CELF1: variants seen among roughly 807,000 people sequenced by gnomAD.
CELF1 encodes the protein CUGBP Elav-like family member 1.
A neutral mutation model predicts 61.8 loss-of-function variants in CELF1; 10 were observed. The ratio of observed to expected loss-of-function variants is 0.16; its 90% CI spans 0.10 to 0.27. The LOEUF is 0.27. Among genes scored for constraint, CELF1 ranks in the 10% least tolerant of loss-of-function variants. CELF1 has a pLI of 1.00. For synonymous variants in CELF1, 236 were observed against 225.1 expected, an observed-to-expected ratio of 1.05 and a Z score of -0.43; for missense variants, 380 against 639.1, an observed-to-expected ratio of 0.59 and a Z score of 4.37.
At chr11:47,496,095 T>C (rs906491011) in intron 3 of CELF1, 1 of 564,452 alleles carries the variant, frequency 1.8e-6, no homozygotes, top group African/African-American at 2.0e-5. Context: ...CCAGAAACAC[T>C]GGCCTGAGTT....
intron 1 of CELF1, among the ~76,000 whole-genome samples, chr11:47,545,857 G>GTGTC (rs1395853675): frequency 2.9e-4 from 37 of 125,902 alleles, no homozygotes; most frequent in Non-Finnish European, 5.7e-4. Context: ...ATACGTGTGT[G>GTGTC]TGTGTGTGTC....
At chr11:47,529,409 A>C (rs1416039861) in intron 1 of CELF1, among the ~76,000 whole-genome samples, 1 of 152,104 alleles carries the variant, frequency 6.6e-6, no homozygotes, top group Non-Finnish European at 1.5e-5. Context: ...ATTAGTGGCC[A>C]GGCATGCTGG....
chr11:47,486,370 T>C (rs1037640558), intron 6 of CELF1, among the ~76,000 whole-genome samples: 1 of 151,926 alleles, frequency 6.6e-6, no homozygotes, highest in African/African-American at 2.4e-5. Flanking sequence ...TAAAGCACAA[T>C]TCAATTCAGA....
chr11:47,520,768 GCC>G (rs1354072370), intron 1 of CELF1, among the ~76,000 whole-genome samples: 1 of 152,148 alleles, frequency 6.6e-6, no homozygotes, highest in Admixed American at 6.5e-5. Context: ...CCAAGATTGT[GCC>G]ACTGCCCTCC....
intron 1 of CELF1, among the ~76,000 whole-genome samples, chr11:47,543,762 A>T (rs781347582): frequency 1.1e-5 from 1 of 91,872 alleles, no homozygotes. Context: ...CCCCGTCTCT[A>T]AAAAAAAAAG....
intron 1 of CELF1, among the ~76,000 whole-genome samples, chr11:47,547,247 C>T (rs753749718): frequency 2.6e-5 from 4 of 152,022 alleles, no homozygotes; most frequent in Non-Finnish European, 4.4e-5. Context: ...TGTCAGTGGA[C>T]GTCTCTCTGT....
intron 1 of CELF1, among the ~76,000 whole-genome samples, chr11:47,531,272 CA>C (rs144326170): frequency 3.3e-5 from 5 of 149,800 alleles, no homozygotes; most frequent in East Asian, 2.0e-4. Context: ...CAACAAAAAA[CA>C]AAAAAAAACA....
chr11:47,546,183 G>A (rs1372952547), intron 1 of CELF1, among the ~76,000 whole-genome samples: 1 of 147,320 alleles, frequency 6.8e-6, no homozygotes, highest in Admixed American at 7.0e-5. Context: ...ATCTTTTTAA[G>A]GGAGAAAAAT....
At chr11:47,531,589 A>AAACG (rs35871351) in intron 1 of CELF1, among the ~76,000 whole-genome samples, 1 of 151,888 alleles carries the variant, frequency 6.6e-6, no homozygotes, top group Admixed American at 6.6e-5. Context: ...ACAAACAAAC[A>AAACG]GTAAGACCCG....
chr11:47,473,682 G>C (rs532822078), intron 13 of CELF1, among the ~76,000 whole-genome samples: 2 of 152,196 alleles, frequency 1.3e-5, no homozygotes, highest in African/African-American at 4.8e-5. Flanking sequence ...GGGCACGAGG[G>C]AATTTCTAGG....
At chr11:47,531,236 C>T (rs540397214) in intron 1 of CELF1, among the ~76,000 whole-genome samples, 38 of 151,610 alleles carry the variant, frequency 2.5e-4, no homozygotes, top group Non-Finnish European at 4.1e-4. Flanking sequence ...CAGCAAGACT[C>T]CGAATCAAAA....
At chr11:47,498,215 T>C (rs1243326705) in intron 3 of CELF1, among the ~76,000 whole-genome samples, 1 of 152,020 alleles carries the variant, frequency 6.6e-6, no homozygotes, top group African/African-American at 2.4e-5. Context: ...AAGACCAGCC[T>C]GGGCAACACA....
intron 1 of CELF1, among the ~76,000 whole-genome samples, chr11:47,536,369 A>AATAG (rs577161158): frequency 2.6e-5 from 4 of 152,290 alleles, no homozygotes; most frequent in Admixed American, 2.0e-4. Flanking sequence ...GTCATAAATA[A>AATAG]ATAGATAGAT....
At chr11:47,527,829 C>T (rs934227237) in intron 1 of CELF1, among the ~76,000 whole-genome samples, 1 of 152,158 alleles carries the variant, frequency 6.6e-6, no homozygotes, top group Admixed American at 6.5e-5. Context: ...GGTGTGGTGG[C>T]TCACGCCTGT....
intron 1 of CELF1, among the ~76,000 whole-genome samples, chr11:47,551,997 G>C (rs1290767689): frequency 6.9e-6 from 1 of 143,988 alleles, no homozygotes; most frequent in Non-Finnish European, 1.5e-5. Context: ...TAAGCAACAA[G>C]AGCGAAACTC....
chr11:47,497,413 C>T (rs1026593622), intron 3 of CELF1, among the ~76,000 whole-genome samples: 1 of 152,218 alleles, frequency 6.6e-6, no homozygotes, highest in Non-Finnish European at 1.5e-5. Flanking sequence ...CGTTCACTGA[C>T]ACTAGAGGCA....
intron 9 of CELF1, among the ~76,000 whole-genome samples, chr11:47,479,616 A>C (rs1194136277): frequency 6.6e-6 from 1 of 152,170 alleles, no homozygotes; most frequent in Non-Finnish European, 1.5e-5. Flanking sequence ...GTTCTCCTTC[A>C]ATGATGGTCC....
chr11:47,506,549 A>G (rs1447276457), intron 1 of CELF1, among the ~76,000 whole-genome samples: 1 of 152,238 alleles, frequency 6.6e-6, no homozygotes, highest in African/African-American at 2.4e-5. Context: ...AGTCTGGTGT[A>G]GAGTATTCCT....
intron 1 of CELF1, among the ~76,000 whole-genome samples, chr11:47,564,793 A>G (rs1280528633): frequency 6.6e-5 from 10 of 152,192 alleles, no homozygotes; most frequent in Admixed American, 6.5e-4. Flanking sequence ...TCCGTCTCAA[A>G]ACAAACAAAC....
Sources: allele counts gnomAD v4.1 joint callset (sites outside exome capture counted in the v4.1 genomes callset), GRCh38; gene constraint gnomAD v4.1.1; transcripts MANE v1.5; gene names NCBI Gene and HGNC (gene_info 2026-07-23, HGNC 2026-07-21).